Variants in TNS3 observed in about 807,000 individuals in gnomAD.
TNS3 encodes the protein tensin-3.
Under a neutral mutation model 140.9 loss-of-function variants are expected in TNS3, and 45 were observed. The ratio of observed to expected loss-of-function variants is 0.32; its 90% CI spans 0.25 to 0.41. TNS3 has a LOEUF of 0.41. Ranked by LOEUF, TNS3 falls within the 10% of genes least tolerant of loss-of-function variation. The pLI, the probability that TNS3 is intolerant of heterozygous loss-of-function variation, is 1.00. For missense variants in TNS3, 1,716 were observed against 1,906.7 expected, an observed-to-expected ratio of 0.90 and a Z score of 1.86; for synonymous variants, 815 against 788.4, an observed-to-expected ratio of 1.03 and a Z score of -0.56.
At chr7:47,346,767 A>G (rs1209834919) in intron 17 of TNS3, among the ~76,000 whole-genome samples, 2 of 152,244 alleles carry the variant, frequency 1.3e-5, no homozygotes, top group East Asian at 3.8e-4. Flanking sequence ...GAGTGCCCTG[A>G]GGACCACACA....
At chr7:47,503,596 T>TAAG (rs1554344604) in intron 3 of TNS3, among the ~76,000 whole-genome samples, 321 of 152,110 alleles carry the variant, frequency 2.1e-3, no homozygotes, top group Non-Finnish European at 3.4e-3. Context: ...TCCCTGAAAC[T>TAAG]TAAGTATTAA....
chr7:47,552,152 G>A (rs1800081710), intron 1 of TNS3, among the ~76,000 whole-genome samples: 1 of 151,724 alleles, frequency 6.6e-6, no homozygotes, highest in African/African-American at 2.4e-5. Flanking sequence ...TATTTTGGCT[G>A]CAAGATAGAT....
chr7:47,577,115 C>T (rs1007540793), intron 1 of TNS3, among the ~76,000 whole-genome samples: 5 of 152,146 alleles, frequency 3.3e-5, no homozygotes, highest in African/African-American at 1.2e-4. Flanking sequence ...CTGGAGGTGT[C>T]CCCGGTGTCC....
rs1417767111 is a variant in TNS3, at chr7:47,275,377, A to G, written c.*2699T>C. On this transcript the variant is annotated 3_prime_UTR_variant, in exon 31 of 31. Coordinates refer to ENST00000311160, the MANE Select transcript of TNS3 (RefSeq NM_022748.12). ...ACTTTTAACATGGCTATAGCTTAAC[A>G]CTGGAGGAATACAACAATACGTTCT... 1 of 154,414 alleles carries G rather than the reference A, an allele frequency of 6.5e-6. No homozygotes were observed. The highest frequency in any genetic ancestry group is 1.4e-5 in the Non-Finnish European group (1 of 69,204). The allele number at this position is 154,414 out of a possible 1,614,324, so 9.6% of individuals were successfully genotyped here.
At chr7:47,529,435 C>A (rs550357901) in intron 1 of TNS3, among the ~76,000 whole-genome samples, 1 of 152,322 alleles carries the variant, frequency 6.6e-6, no homozygotes, top group African/African-American at 2.4e-5. Flanking sequence ...CAACCAACAT[C>A]ATTATGTGAA....
At chr7:47,448,476 ATTT>A (rs71003401) in intron 4 of TNS3, among the ~76,000 whole-genome samples, 24,220 of 129,370 alleles carry the variant, frequency 0.19, 2,239 homozygotes, top group Non-Finnish European at 0.25. Flanking sequence ...TGGGAATTCG[ATTT>A]TTTTTTTTTT....
intron 2 of TNS3, among the ~76,000 whole-genome samples, chr7:47,516,660 G>A (rs1423110864): frequency 1.3e-5 from 2 of 152,168 alleles, no homozygotes; most frequent in Non-Finnish European, 2.9e-5. Context: ...CTACACATGC[G>A]GCAGCACGTA....
At chr7:47,444,754 A>T (rs1429435913) in intron 4 of TNS3, among the ~76,000 whole-genome samples, 1 of 152,248 alleles carries the variant, frequency 6.6e-6, no homozygotes, top group Non-Finnish European at 1.5e-5. Flanking sequence ...TCCAATGTTC[A>T]AACCCCGAAA....
intron 2 of TNS3, among the ~76,000 whole-genome samples, chr7:47,512,090 G>A (rs1397062240): frequency 1.3e-5 from 2 of 152,264 alleles, no homozygotes; most frequent in African/African-American, 2.4e-5. Flanking sequence ...CTGGGCGACA[G>A]AGCAGGTTAA....
intron 3 of TNS3, among the ~76,000 whole-genome samples, chr7:47,490,273 ATAATAAAG>A (rs902807911): frequency 1.3e-5 from 2 of 152,240 alleles, no homozygotes; most frequent in African/African-American, 4.8e-5. Flanking sequence ...CCTATAATTA[ATAATAAAG>A]TAATAAAGTA....
intron 20 of TNS3, among the ~76,000 whole-genome samples, chr7:47,314,778 G>A (rs1199471659): frequency 6.6e-6 from 1 of 152,148 alleles, no homozygotes; most frequent in Non-Finnish European, 1.5e-5. Flanking sequence ...CCGGGGTGAG[G>A]AGCAGATGGG....
intron 2 of TNS3, among the ~76,000 whole-genome samples, chr7:47,524,991 G>A (rs899172284): frequency 6.6e-6 from 1 of 151,974 alleles, no homozygotes; most frequent in Admixed American, 6.5e-5. Context: ...GATGAAAAAA[G>A]GTACATGGCT....
chr7:47,459,112 A>T (rs1172740019), intron 4 of TNS3, among the ~76,000 whole-genome samples: 1 of 152,226 alleles, frequency 6.6e-6, no homozygotes, highest in Non-Finnish European at 1.5e-5. Context: ...TCCAGATGGA[A>T]CATAATCCCT....
chr7:47,400,381 C>A lies in TNS3; in HGVS notation c.919+12G>T. On this transcript the variant is annotated intron_variant, in intron 15 of 30. Transcript: ENST00000311160. ...CAGCAAGGACCACCCAGTATTCCAC[C>A]AAGCTACCCACCTTGAATCTTCTCA... The A allele has an allele frequency of 3.1e-6, 5 of 1,613,808 alleles. No individual in the cohort carries two copies. Among genetic ancestry groups the A allele is most frequent in the Non-Finnish European group, 4.2e-6 (5 of 1,179,754 alleles).
chr7:47,346,292 G>T lies in TNS3; in HGVS notation c.2346C>A (p.Asn782Lys). The change falls in exon 18 of 31, where the codon AAC becomes AAA. Residue 782 changes from asparagine (N) to lysine (K), a missense_variant. Around this residue, in one of 3 missense-constraint regions of TNS3, gnomAD observed 1,163 missense variants for 1,182.1 expected, o/e 0.98. Coordinates refer to ENST00000311160, the MANE Select transcript of TNS3 (RefSeq NM_022748.12). ...LRKLSLGQYD[N>K]DAGGQLPFSK... is the part of the protein sequence containing the mutation. Reference sequence around the variant, plus strand: ...AGAAGGGCAGCTGCCCCCCAGCATCGTTGTCGTACTGCCCCAGGCTCAGCT... The same window carrying T: ...AGAAGGGCAGCTGCCCCCCAGCATCTTTGTCGTACTGCCCCAGGCTCAGCT... 2 of 1,614,196 alleles carry T rather than the reference G, an allele frequency of 1.2e-6. No homozygotes were observed. Among genetic ancestry groups the T allele is most frequent in the Non-Finnish European group, 1.7e-6 (2 of 1,180,022 alleles).
At chr7:47,520,449 A>C (rs1270666396) in intron 2 of TNS3, among the ~76,000 whole-genome samples, 3 of 152,212 alleles carry the variant, frequency 2.0e-5, no homozygotes, top group Non-Finnish European at 4.4e-5. Context: ...ATCCACCAGC[A>C]CAATCAACTA....
chr7:47,354,826 C>T (rs919630046), intron 17 of TNS3, among the ~76,000 whole-genome samples: 82 of 152,238 alleles, frequency 5.4e-4, no homozygotes, highest in African/African-American at 1.8e-3. Flanking sequence ...CGCGGTGACA[C>T]GCTCATTGTC....
chr7:47,421,719 C>A (rs1794380130), intron 10 of TNS3, among the ~76,000 whole-genome samples: 1 of 152,158 alleles, frequency 6.6e-6, no homozygotes, highest in Non-Finnish European at 1.5e-5. Flanking sequence ...TCATGATTTG[C>A]TGAAGACAAG....
intron 10 of TNS3, among the ~76,000 whole-genome samples, chr7:47,416,948 T>G (rs1794113044): frequency 6.6e-6 from 1 of 152,176 alleles, no homozygotes; most frequent in South Asian, 2.1e-4. Context: ...ATCAGCTTCC[T>G]CAGCTCGTCC....
Sources: allele counts gnomAD v4.1 joint callset (sites outside exome capture counted in the v4.1 genomes callset), GRCh38; gene constraint gnomAD v4.1.1; regional missense constraint gnomAD v4.1.1; transcripts MANE v1.5; gene names NCBI Gene and HGNC (gene_info 2026-07-23, HGNC 2026-07-21).